ZSCAN23: variants seen among roughly 807,000 people sequenced by gnomAD.
ZSCAN23 encodes the protein zinc finger and SCAN domain containing 23.
ZSCAN23 carries 19 observed loss-of-function variants against 19.3 expected under a neutral mutation model. The observed-to-expected ratio is 0.99, with a 90% CI of 0.69 to 1.45. ZSCAN23 has a LOEUF of 1.45. ZSCAN23 is among the 40% of genes most tolerant of loss of function. ZSCAN23 has a pLI of 0.00. For synonymous variants in ZSCAN23, 140 were observed against 166.2 expected, an observed-to-expected ratio of 0.84 and a Z score of 1.21; for missense variants, 372 against 462.5, an observed-to-expected ratio of 0.80 and a Z score of 1.79.
chr6:28,426,242 A>T, the ZSCAN23 span, among the ~76,000 whole-genome samples: 3 of 152,192 alleles, frequency 2.0e-5, no homozygotes, highest in African/African-American at 7.2e-5. Flanking sequence ...CTTTCAACCT[A>T]TCTCAGCTTT....
At chr6:28,424,319 A>C in the ZSCAN23 span, among the ~76,000 whole-genome samples, 1 of 152,244 alleles carries the variant, frequency 6.6e-6, no homozygotes, top group Non-Finnish European at 1.5e-5. Flanking sequence ...CTGAGTCATA[A>C]TCTTTGAGGC....
downstream of ZSCAN23, among the ~76,000 whole-genome samples, chr6:28,428,405 A>G (rs1761696412): frequency 6.6e-6 from 1 of 152,192 alleles, no homozygotes; most frequent in Admixed American, 6.5e-5. Context: ...CTGCCTATTT[A>G]TCCCTGGCTA....
chr6:28,443,418 G>A lies in ZSCAN23; in HGVS notation c.-97C>T, dbSNP rs1226652637. 1 of 152,428 alleles carries A rather than the reference G, an allele frequency of 6.6e-6. No individual in the cohort carries two copies. Among genetic ancestry groups the A allele is most frequent in the Non-Finnish European group, 1.5e-5 (1 of 68,172 alleles). The allele number at this position is 152,428 out of a possible 1,614,324, so 9.4% of individuals were successfully genotyped here. On this transcript the variant is annotated 5_prime_UTR_variant, in exon 1 of 4. Coordinates refer to ENST00000289788, the MANE Select transcript of ZSCAN23 (RefSeq NM_001012455.2). ...GCTCACCGAGGCATCCGTGAGAGGA[G>A]ATGCCACCTAGCGCAGATCACATCT...
In ZSCAN23 at chr6:28,434,602, G is replaced by A. The variant is rs750658989; in HGVS notation, c.1033C>T (p.Arg345Cys). The A allele has an allele frequency of 4.5e-6, 7 of 1,555,542 alleles. No homozygotes were observed. Among genetic ancestry groups the A allele is most frequent in the African/African-American group, 1.4e-5 (1 of 73,080 alleles). ...CTCTGATGCTTAATGAGGACTGAACGTCGACTAAAACTCTTATTGCACTGA... is the reference window on the plus strand; with the variant it reads ...CTCTGATGCTTAATGAGGACTGAACATCGACTAAAACTCTTATTGCACTGA... ...CNQCNKSFSR[R>C]SVLIKHQRIH... Residue 345 changes from arginine (R) to cysteine (C), a missense_variant, in exon 4 of 4, where the codon CGT becomes TGT. By Grantham distance (180) the Arg-to-Cys change is radical (BLOSUM62 -3). Coordinates refer to ENST00000289788, the MANE Select transcript of ZSCAN23 (RefSeq NM_001012455.2).
At chr6:28,440,030 TTA>T (rs781012622) in intron 1 of ZSCAN23, among the ~76,000 whole-genome samples, 12 of 152,104 alleles carry the variant, frequency 7.9e-5, no homozygotes, top group Non-Finnish European at 1.6e-4. Flanking sequence ...GGTTGCTATT[TTA>T]TAGAGTCAGG....
chr6:28,433,990 TG>T lies in ZSCAN23; in HGVS notation c.*474del, dbSNP rs1761816245. 6.5e-6 allele frequency: 1 copy of T among 152,678 alleles called. No homozygotes were observed. Among genetic ancestry groups the T allele is most frequent in the Admixed American group, 6.5e-5 (1 of 15,346 alleles). 9.5% of individuals were successfully genotyped at this position (152,678 alleles called of 1,614,324 possible). ...CTACATTTATATAGGAGGATTCATC[TG>T]CCCCTTTTTGTAGGTTACAAAACAA... is the stretch of plus-strand genomic sequence containing the variant. On this transcript the variant is annotated 3_prime_UTR_variant, in exon 4 of 4. Transcript: ENST00000289788.
At chr6:28,431,147 C>T (rs1416038515), downstream of ZSCAN23, among the ~76,000 whole-genome samples, 1 of 152,156 alleles carries the variant, frequency 6.6e-6, no homozygotes, top group East Asian at 1.9e-4. Context: ...ATTATCCCAT[C>T]CTTTCTTTCC....
intron 1 of ZSCAN23, among the ~76,000 whole-genome samples, chr6:28,442,320 C>T (rs1762018033): frequency 6.6e-6 from 1 of 152,166 alleles, no homozygotes; most frequent in African/African-American, 2.4e-5. Context: ...TGTTTTTGCA[C>T]AAAACCTGGC....
At chr6:28,432,549 T>G (rs1486484645), downstream of ZSCAN23, 2 of 152,156 alleles carry the variant, frequency 1.3e-5, no homozygotes, top group Non-Finnish European at 2.9e-5. Context: ...TATGTGCAAT[T>G]CTGGTTGCCC....
intron 1 of ZSCAN23, among the ~76,000 whole-genome samples, chr6:28,437,217 A>T (rs1483434677): frequency 2.6e-5 from 4 of 152,240 alleles, no homozygotes; most frequent in Non-Finnish European, 5.9e-5. Context: ...TGGTTCCAGT[A>T]CTTTAAAACA....
At chr6:28,421,876 A>G in the ZSCAN23 span, among the ~76,000 whole-genome samples, 1 of 152,190 alleles carries the variant, frequency 6.6e-6, no homozygotes, top group Admixed American at 6.5e-5. Flanking sequence ...CAAATAAGTT[A>G]AAAAACAAAA....
the ZSCAN23 span, among the ~76,000 whole-genome samples, chr6:28,425,935 T>C: frequency 6.6e-6 from 1 of 152,240 alleles, no homozygotes; most frequent in Non-Finnish European, 1.5e-5. Context: ...GACAGCTTCT[T>C]TCCTTAAACC....
chr6:28,442,666 G>T (rs938681527), intron 1 of ZSCAN23, among the ~76,000 whole-genome samples: 1 of 152,272 alleles, frequency 6.6e-6, no homozygotes, highest in Non-Finnish European at 1.5e-5. Flanking sequence ...TATAGGAACA[G>T]AGTGGAGTTA....
At chr6:28,443,134 G>C (rs1336391076) in intron 1 of ZSCAN23, among the ~76,000 whole-genome samples, 1 of 152,190 alleles carries the variant, frequency 6.6e-6, no homozygotes, top group South Asian at 2.1e-4. Context: ...GATACGGAGA[G>C]TTCAGAGTGC....
At chr6:28,426,596 T>C in the ZSCAN23 span, among the ~76,000 whole-genome samples, 1 of 152,342 alleles carries the variant, frequency 6.6e-6, no homozygotes, top group African/African-American at 2.4e-5. Flanking sequence ...TTTGAAATAC[T>C]CATTTACCAA....
intron 1 of ZSCAN23, 125 bp from the exon 2 acceptor site, chr6:28,436,468 T>C (rs1039868676): frequency 2.1e-6 from 1 of 474,252 alleles, no homozygotes. Context: ...ACCTGATTAA[T>C]GATAGATACT....
Position 28,435,590 on chromosome 6 carries a change from A to G in ZSCAN23, c.426T>C (p.His142=). The G allele has an allele frequency of 1.9e-6, 3 of 1,551,562 alleles. No homozygotes were observed. Among genetic ancestry groups the G allele is most frequent in the Non-Finnish European group, 2.6e-6 (3 of 1,146,958 alleles). The change falls in exon 3 of 4, where the codon CAT becomes CAC. Residue 142 remains histidine, a synonymous_variant. Transcript: ENST00000289788. ...DPGEQVLSHA[H]EQEEFVKEKA... ...TCTCCTTTACAAACTCTTCCTGTTCATGAGCATGGCTCAGGACCTGGTGGA... is the reference window on the plus strand; with the variant it reads ...TCTCCTTTACAAACTCTTCCTGTTCGTGAGCATGGCTCAGGACCTGGTGGA...
In ZSCAN23 at chr6:28,436,352, T is replaced by C; in HGVS notation, c.-77-9A>G. 2 of 1,329,140 alleles carry C rather than the reference T, an allele frequency of 1.5e-6. No homozygotes were observed. Among genetic ancestry groups the C allele is most frequent in the Non-Finnish European group, 2.0e-6 (2 of 1,005,672 alleles). 82.3% of individuals were successfully genotyped at this position (1,329,140 alleles called of 1,614,324 possible). A position where few individuals can be genotyped will look rare whatever the true frequency, so the allele number is the denominator to read the frequency against. ...TCTGGAAACCCCGAGATCTAGACAA[T>C]AATTTACGAAGAAAAAAATATAAAA... is the stretch of plus-strand genomic sequence containing the variant. On this transcript the variant is annotated splice_polypyrimidine_tract_variant and intron_variant, in intron 1 of 3. Transcript: ENST00000289788.
chr6:28,426,304 G>C, the ZSCAN23 span, among the ~76,000 whole-genome samples: 1 of 152,188 alleles, frequency 6.6e-6, no homozygotes, highest in Non-Finnish European at 1.5e-5. Context: ...AATTTAAAGA[G>C]AGAGATGTGA....
Sources: allele counts gnomAD v4.1 joint callset (sites outside exome capture counted in the v4.1 genomes callset), GRCh38; gene constraint gnomAD v4.1.1; transcripts MANE v1.5; gene names NCBI Gene and HGNC (gene_info 2026-07-23, HGNC 2026-07-21).